The following NRF1 variants were observed in gnomAD, a reference collection of about 807,000 sequenced individuals.
NRF1 encodes alpha palindromic-binding protein.
NRF1 carries 5 observed loss-of-function variants against 58.5 expected under a neutral mutation model. That is an observed-to-expected ratio of 0.09 (90% CI 0.04 to 0.18). The LOEUF is 0.18. Among genes scored for constraint, NRF1 ranks in the 10% least tolerant of loss-of-function variants. The probability of loss-of-function intolerance (pLI) is 1.00; values close to 1 mark genes in which losing one functional copy is unlikely to be tolerated. For missense variants in NRF1, 288 were observed against 657.7 expected (o/e 0.44, Z 6.15); for synonymous variants, 224 against 246.7 (o/e 0.91, Z 0.86).
At chr7:129,654,716 T>G (rs1801612878) in intron 1 of NRF1, among the ~76,000 whole-genome samples, 1 of 152,246 alleles carries the variant, frequency 6.6e-6, no homozygotes, top group African/African-American at 2.4e-5. Flanking sequence ...AAAGACTAAC[T>G]TTGCCAAACT....
intron 1 of NRF1, among the ~76,000 whole-genome samples, chr7:129,645,163 C>G (rs1232688942): frequency 6.6e-6 from 1 of 152,106 alleles, no homozygotes. Flanking sequence ...TACCATGTCC[C>G]CTTAAGCCCT....
intron 4 of NRF1, among the ~76,000 whole-genome samples, chr7:129,687,498 A>G (rs1802468735): frequency 6.6e-6 from 1 of 152,046 alleles, no homozygotes; most frequent in East Asian, 1.9e-4. Context: ...CTGGTCTCGA[A>G]CTTCTGACCT....
intron 10 of NRF1, among the ~76,000 whole-genome samples, chr7:129,734,551 G>A (rs1156310816): frequency 1.3e-5 from 2 of 152,186 alleles, no homozygotes; most frequent in African/African-American, 4.8e-5. Flanking sequence ...GGGCTGTAGG[G>A]GTACCCTGGA....
At chr7:129,714,369 A>C (rs1015438776) in intron 8 of NRF1, among the ~76,000 whole-genome samples, 29 of 152,178 alleles carry the variant, frequency 1.9e-4, no homozygotes, top group Non-Finnish European at 3.5e-4. Flanking sequence ...ACTGGGCCAA[A>C]CTCAAGTGAG....
intron 2 of NRF1, among the ~76,000 whole-genome samples, chr7:129,658,080 A>G (rs969563663): frequency 1.4e-4 from 21 of 152,208 alleles, no homozygotes; most frequent in Non-Finnish European, 7.3e-5. Flanking sequence ...TACGTTAAAC[A>G]GAATCACTGA....
intron 4 of NRF1, among the ~76,000 whole-genome samples, chr7:129,688,904 C>T (rs1299449548): frequency 6.8e-6 from 1 of 146,816 alleles, no homozygotes; most frequent in African/African-American, 2.5e-5. Flanking sequence ...TAGAGCCAAA[C>T]CATATCACTA....
At chr7:129,640,065 GTTT>G in intron 1 of NRF1, among the ~76,000 whole-genome samples, 1 of 152,252 alleles carries the variant, frequency 6.6e-6, no homozygotes, top group East Asian at 1.9e-4. Context: ...AGACCTCTCA[GTTT>G]GTGGGAATCA....
chr7:129,688,985 CAT>C (rs1802504958), intron 4 of NRF1, among the ~76,000 whole-genome samples: 1 of 152,142 alleles, frequency 6.6e-6, no homozygotes, highest in Admixed American at 6.6e-5. Flanking sequence ...ACTACAGGAA[CAT>C]AGCAGAAAAT....
At chr7:129,611,887 C>T (rs1466839469) in intron 1 of NRF1, 63 bp downstream of exon 1, 1 of 149,266 alleles carries the variant, frequency 6.7e-6, no homozygotes, top group African/African-American at 2.4e-5. Context: ...ACACGCCGCC[C>T]GCCCGCCGGC....
At chr7:129,643,981 G>C (rs73470426) in intron 1 of NRF1, among the ~76,000 whole-genome samples, 1 of 152,154 alleles carries the variant, frequency 6.6e-6, no homozygotes, top group Non-Finnish European at 1.5e-5. Context: ...TTCACAAGCC[G>C]TTGCTGCTGC....
chr7:129,659,813 C>T (rs930790087), intron 2 of NRF1, among the ~76,000 whole-genome samples: 27 of 152,174 alleles, frequency 1.8e-4, no homozygotes, highest in Non-Finnish European at 2.8e-4. Flanking sequence ...GTTAGTCTTC[C>T]TCACTTGTAT....
chr7:129,722,131 A>G (rs1803341477), intron 9 of NRF1, among the ~76,000 whole-genome samples: 1 of 152,078 alleles, frequency 6.6e-6, no homozygotes, highest in African/African-American at 2.4e-5. Context: ...GTGGTGGCTC[A>G]CGCCTGTAAT....
chr7:129,686,157 A>AT (rs1400889855), intron 4 of NRF1, among the ~76,000 whole-genome samples: 1 of 151,444 alleles, frequency 6.6e-6, no homozygotes, highest in Non-Finnish European at 1.5e-5. Context: ...AACTTGCTAG[A>AT]TGCCAAGGTG....
chr7:129,692,722 C>A (rs1802599389), intron 5 of NRF1, among the ~76,000 whole-genome samples: 1 of 152,148 alleles, frequency 6.6e-6, no homozygotes, highest in South Asian at 2.1e-4. Context: ...CCTCTTCCTG[C>A]CTCATCATCT....
intron 9 of NRF1, among the ~76,000 whole-genome samples, chr7:129,724,510 T>G (rs1803406145): frequency 6.6e-6 from 1 of 152,196 alleles, no homozygotes; most frequent in Admixed American, 6.5e-5. Context: ...TACCGTATGT[T>G]GCAGCAAATC....
intron 8 of NRF1, among the ~76,000 whole-genome samples, chr7:129,712,444 C>A (rs566905698): frequency 6.6e-6 from 1 of 152,316 alleles, no homozygotes; most frequent in African/African-American, 2.4e-5. Context: ...GAGCATTTCC[C>A]CTTAGAACAC....
chr7:129,704,031 C>G (rs1188446101), intron 5 of NRF1, among the ~76,000 whole-genome samples: 4 of 151,842 alleles, frequency 2.6e-5, no homozygotes, highest in Admixed American at 6.6e-5. Flanking sequence ...CATTAGTAAT[C>G]TGCTTGTACA....
At chr7:129,659,865 A>G (rs558279464) in intron 2 of NRF1, among the ~76,000 whole-genome samples, 1 of 152,200 alleles carries the variant, frequency 6.6e-6, no homozygotes, top group South Asian at 2.1e-4. Flanking sequence ...CTTTCTGTGT[A>G]GTTTCTTCTG....
chr7:129,620,492 G>A (rs748211840), intron 1 of NRF1, among the ~76,000 whole-genome samples: 1 of 151,230 alleles, frequency 6.6e-6, no homozygotes, highest in African/African-American at 2.4e-5. Flanking sequence ...GGGTTCAAGC[G>A]ATTCTTCTGC....
Sources: gnomAD v4.1 joint callset for allele counts (sites outside exome capture counted in the v4.1 genomes callset) on GRCh38, gnomAD v4.1.1 for gene constraint, MANE v1.5 for transcripts, NCBI Gene and HGNC (gene_info 2026-07-23, HGNC 2026-07-21) for gene names.